The following GNA14 variants were observed in gnomAD, a reference collection of about 807,000 sequenced individuals.
GNA14 encodes G protein subunit alpha 14.
Under a neutral mutation model 42.0 loss-of-function variants are expected in GNA14, and 50 were observed. The observed-to-expected ratio is 1.19, with a 90% CI of 0.95 to 1.51. The LOEUF (loss-of-function observed/expected upper bound fraction) is 1.51, where lower values mean the gene tolerates loss of function less well. Among genes scored for constraint, GNA14 ranks in the 40% most tolerant of loss-of-function variants. GNA14 has a pLI of 0.00. For synonymous variants in GNA14, 173 were observed against 163.1 expected, an observed-to-expected ratio of 1.06 and a Z score of -0.46; for missense variants, 473 against 446.2, an observed-to-expected ratio of 1.06 and a Z score of -0.54.
At chr9:77,500,844 T>C (rs151277335) in intron 2 of GNA14, among the ~76,000 whole-genome samples, 1,766 of 152,358 alleles carry the variant, frequency 0.012, 29 homozygotes, top group African/African-American at 0.035. Context: ...TCCCAGTTTT[T>C]GGCTATTACA....
intron 2 of GNA14, chr9:77,456,223 C>G (rs377609904): frequency 6.6e-6 from 1 of 152,136 alleles, no homozygotes; most frequent in East Asian, 1.9e-4. Flanking sequence ...CAATTCCAAG[C>G]GTGCCTGACC....
intron 1 of GNA14, among the ~76,000 whole-genome samples, chr9:77,639,474 G>T (rs1824225384): frequency 6.6e-6 from 1 of 152,242 alleles, no homozygotes. Context: ...TGGCTCCAAA[G>T]AACATGCTAA....
intron 1 of GNA14, among the ~76,000 whole-genome samples, chr9:77,585,900 G>GTATTACCT (rs1823294127): frequency 6.6e-6 from 1 of 152,084 alleles, no homozygotes; most frequent in South Asian, 2.1e-4. Context: ...TTATTATTTA[G>GTATTACCT]TATTACCTTC....
At chr9:77,626,596 A>C (rs750331368) in intron 1 of GNA14, among the ~76,000 whole-genome samples, 1 of 152,164 alleles carries the variant, frequency 6.6e-6, no homozygotes, top group Non-Finnish European at 1.5e-5. Flanking sequence ...ACTCAAAATC[A>C]TAAAACTGCA....
At chr9:77,568,008 A>C (rs1587832819) in intron 1 of GNA14, among the ~76,000 whole-genome samples, 1 of 151,240 alleles carries the variant, frequency 6.6e-6, no homozygotes, top group South Asian at 2.1e-4. Flanking sequence ...AGAGGTAGGG[A>C]GGAAGAGGAG....
At chr9:77,643,240 ATT>A (rs113345502) in intron 1 of GNA14, among the ~76,000 whole-genome samples, 12 of 137,266 alleles carry the variant, frequency 8.7e-5, no homozygotes, top group Non-Finnish European at 8.0e-5. Flanking sequence ...AGGTGTTGTC[ATT>A]TTTTTTTTTT....
At chr9:77,478,865 G>A (rs1270746015) in intron 2 of GNA14, among the ~76,000 whole-genome samples, 5 of 152,050 alleles carry the variant, frequency 3.3e-5, no homozygotes. Flanking sequence ...GCCCATTTTT[G>A]ATGGGGTTGT....
chr9:77,431,443 C>T lies in GNA14; in HGVS notation c.471G>A (p.Leu157=), dbSNP rs769419048. The stretch of plus-strand genomic sequence containing the variant: ...GTGTGGCGATGCGGTCAATGTCAGT[C>T]AGGTAACTGTATATTAGAGAACGAG... ...YQLSDSAKYY[L]TDIDRIATPS... Residue 157 remains leucine, a synonymous_variant, in exon 4 of 7, where the codon CTG becomes CTA. Transcript: ENST00000341700. 2 of 1,612,668 alleles carry T rather than the reference C, an allele frequency of 1.2e-6. No homozygotes were observed. Among genetic ancestry groups the T allele is most frequent in the East Asian group, 2.2e-5 (1 of 44,860 alleles).
chr9:77,572,329 A>G (rs1023640092), intron 1 of GNA14, among the ~76,000 whole-genome samples: 7 of 152,180 alleles, frequency 4.6e-5, no homozygotes, highest in Non-Finnish European at 1.0e-4. Context: ...TAGACTGAGA[A>G]ATAATATCCA....
At chr9:77,502,826 G>A (rs1043414323) in intron 2 of GNA14, among the ~76,000 whole-genome samples, 1 of 152,172 alleles carries the variant, frequency 6.6e-6, no homozygotes, top group African/African-American at 2.4e-5. Context: ...GGGCCACAGT[G>A]TTTTTCTTGG....
At chr9:77,562,292 C>T (rs779354785) in intron 1 of GNA14, among the ~76,000 whole-genome samples, 21 of 152,080 alleles carry the variant, frequency 1.4e-4, no homozygotes, top group East Asian at 3.9e-4. Flanking sequence ...AAGAAAGTAG[C>T]GTCTGCAACG....
chr9:77,606,136 A>G (rs1650330343), intron 1 of GNA14, among the ~76,000 whole-genome samples: 1 of 152,244 alleles, frequency 6.6e-6, no homozygotes, highest in African/African-American at 2.4e-5. Flanking sequence ...CTCTAGCAGA[A>G]GGAAGAAAAC....
At chr9:77,568,475 G>A (rs112598954) in intron 1 of GNA14, among the ~76,000 whole-genome samples, 6,279 of 141,868 alleles carry the variant, frequency 0.044, 142 homozygotes, top group South Asian at 0.055. Flanking sequence ...CTGGGTGACA[G>A]AGAGAGACTC....
intron 1 of GNA14, among the ~76,000 whole-genome samples, chr9:77,574,759 C>G (rs1329175240): frequency 6.6e-6 from 1 of 152,198 alleles, no homozygotes; most frequent in Non-Finnish European, 1.5e-5. Flanking sequence ...GGCAGGCAAC[C>G]TTCCTCCATG....
chr9:77,474,658 A>G (rs991671358), intron 2 of GNA14, among the ~76,000 whole-genome samples: 1 of 152,218 alleles, frequency 6.6e-6, no homozygotes, highest in Non-Finnish European at 1.5e-5. Flanking sequence ...TATACCCAAG[A>G]GAACTGAAGA....
intron 2 of GNA14, among the ~76,000 whole-genome samples, chr9:77,442,990 A>G (rs1835760862): frequency 6.6e-6 from 1 of 152,214 alleles, no homozygotes; most frequent in Non-Finnish European, 1.5e-5. Flanking sequence ...TGACATAAAG[A>G]TTTGGAAAAA....
chr9:77,643,973 G>T (rs999996543), intron 1 of GNA14, among the ~76,000 whole-genome samples: 1 of 152,214 alleles, frequency 6.6e-6, no homozygotes, highest in African/African-American at 2.4e-5. Context: ...AACCCAGGCA[G>T]ACTGGGCTAA....
chr9:77,479,756 T>G (rs912467076), intron 2 of GNA14, among the ~76,000 whole-genome samples: 49 of 152,314 alleles, frequency 3.2e-4, no homozygotes, highest in Admixed American at 5.2e-4. Context: ...TCCTTGAAGA[T>G]GTCCTTCACA....
At chr9:77,610,803 C>T (rs1823718252) in intron 1 of GNA14, among the ~76,000 whole-genome samples, 1 of 152,104 alleles carries the variant, frequency 6.6e-6, no homozygotes, top group Non-Finnish European at 1.5e-5. Context: ...TTGCAAATAT[C>T]TGTAAGATGT....
Sources: allele counts gnomAD v4.1 joint callset (sites outside exome capture counted in the v4.1 genomes callset), GRCh38; gene constraint gnomAD v4.1.1; transcripts MANE v1.5; gene names NCBI Gene and HGNC (gene_info 2026-07-23, HGNC 2026-07-21).